HDAC9: variants seen among roughly 807,000 people sequenced by gnomAD.
HDAC9 encodes MEF-2 interacting transcription repressor (MITR) protein.
In HDAC9, 41 loss-of-function variants were observed where a neutral mutation model predicts 139.4. That is an observed-to-expected ratio of 0.29 (90% CI 0.23 to 0.38). The LOEUF (loss-of-function observed/expected upper bound fraction) is 0.38. Ranked by LOEUF, HDAC9 falls within the 10% of genes least tolerant of loss-of-function variation. HDAC9 has a pLI of 1.00. For missense variants in HDAC9, 1,147 were observed against 1,297.0 expected, an observed-to-expected ratio of 0.88 and a Z score of 1.78; for synonymous variants, 517 against 476.2, an observed-to-expected ratio of 1.09 and a Z score of -1.12.
chr7:18,877,819 C>T (rs542901934), intron 22 of HDAC9, among the ~76,000 whole-genome samples: 5 of 151,992 alleles, frequency 3.3e-5, no homozygotes, highest in African/African-American at 1.2e-4. Flanking sequence ...TTTCTTTCTT[C>T]CTCTTTTCTC....
intron 2 of HDAC9, among the ~76,000 whole-genome samples, chr7:18,539,095 T>A (rs947283694): frequency 1.3e-5 from 2 of 152,192 alleles, no homozygotes; most frequent in Non-Finnish European, 1.5e-5. Context: ...GCTATCAACA[T>A]ATGAATTTGG....
intron 23 of HDAC9, among the ~76,000 whole-genome samples, chr7:18,946,471 T>A (rs1245180045): frequency 1.3e-5 from 2 of 151,994 alleles, no homozygotes; most frequent in East Asian, 1.9e-4. Context: ...TGAAAAAAAA[T>A]TTATCCACAA....
chr7:18,544,084 G>A (rs532321887), intron 2 of HDAC9, among the ~76,000 whole-genome samples: 1 of 152,286 alleles, frequency 6.6e-6, no homozygotes, highest in African/African-American at 2.4e-5. Context: ...CCTTCTGGCT[G>A]CTCTGTAAGA....
At chr7:18,581,273 G>T (rs1827745040) in intron 2 of HDAC9, among the ~76,000 whole-genome samples, 1 of 152,096 alleles carries the variant, frequency 6.6e-6, no homozygotes, top group Non-Finnish European at 1.5e-5. Flanking sequence ...GAAAGACTGG[G>T]ATCTTGCCTG....
intron 22 of HDAC9, chr7:18,892,131 C>G (rs758095895): frequency 2.6e-5 from 4 of 152,010 alleles, no homozygotes; most frequent in Non-Finnish European, 5.9e-5. Flanking sequence ...GAAACACAAA[C>G]TAGGAAATAG....
intron 2 of HDAC9, among the ~76,000 whole-genome samples, chr7:18,259,322 C>T (rs1012255329): frequency 7.2e-5 from 11 of 151,952 alleles, no homozygotes; most frequent in Non-Finnish European, 1.6e-4. Context: ...TCCCCTGCCA[C>T]CCCCCAATAA....
At chr7:18,479,849 C>T (rs989386933) in intron 1 of HDAC9, among the ~76,000 whole-genome samples, 2 of 151,732 alleles carry the variant, frequency 1.3e-5, no homozygotes, top group African/African-American at 4.8e-5. Context: ...TATTATATTA[C>T]ATAATATTGA....
intron 21 of HDAC9, among the ~76,000 whole-genome samples, chr7:18,841,760 T>C (rs1351947228): frequency 6.6e-6 from 1 of 152,126 alleles, no homozygotes; most frequent in Non-Finnish European, 1.5e-5. Flanking sequence ...GCCCCAAAAT[T>C]GAAAATTTAG....
At chr7:18,827,703 G>A (rs533006155) in intron 17 of HDAC9, among the ~76,000 whole-genome samples, 7 of 152,168 alleles carry the variant, frequency 4.6e-5, no homozygotes, top group South Asian at 4.1e-4. Flanking sequence ...AAGTTTTAGC[G>A]TGGTTGATCT....
At chr7:18,453,764 A>G (rs956045841) in intron 1 of HDAC9, among the ~76,000 whole-genome samples, 1 of 152,192 alleles carries the variant, frequency 6.6e-6, no homozygotes, top group Non-Finnish European at 1.5e-5. Context: ...TAAATGTCAG[A>G]TATTTTATGC....
chr7:18,234,904 G>A (rs1281652315), intron 2 of HDAC9, among the ~76,000 whole-genome samples: 6 of 152,202 alleles, frequency 3.9e-5, no homozygotes, highest in Admixed American at 2.6e-4. Flanking sequence ...TGACCAGGTG[G>A]TAGAGGACTT....
At chr7:18,566,613 A>C (rs1822442249) in intron 2 of HDAC9, among the ~76,000 whole-genome samples, 1 of 152,224 alleles carries the variant, frequency 6.6e-6, no homozygotes, top group African/African-American at 2.4e-5. Context: ...TTTGTTTTAT[A>C]CATGAGAAAC....
intron 23 of HDAC9, among the ~76,000 whole-genome samples, chr7:18,937,863 A>G (rs1272804222): frequency 6.6e-6 from 1 of 152,134 alleles, no homozygotes; most frequent in Non-Finnish European, 1.5e-5. Context: ...CTTTGAACAC[A>G]TGCATTCAAA....
chr7:18,674,610 A>G (rs1781384648), intron 12 of HDAC9, among the ~76,000 whole-genome samples: 1 of 152,032 alleles, frequency 6.6e-6, no homozygotes, highest in African/African-American at 2.4e-5. Context: ...GAACCTATGA[A>G]ATGTTCAGCT....
upstream of HDAC9, among the ~76,000 whole-genome samples, chr7:18,494,430 CCT>C (rs1796619260): frequency 6.6e-6 from 1 of 151,984 alleles, no homozygotes. Flanking sequence ...TCTGCTTTTT[CCT>C]CTCTTTCCCC....
intron 2 of HDAC9, among the ~76,000 whole-genome samples, chr7:18,266,274 T>A (rs1795992512): frequency 6.6e-6 from 1 of 152,186 alleles, no homozygotes; most frequent in Admixed American, 6.5e-5. Context: ...AAGTTTTCCT[T>A]GAAAGTTCTA....
chr7:18,189,132 G>A (rs991831977), intron 2 of HDAC9, among the ~76,000 whole-genome samples: 1 of 152,130 alleles, frequency 6.6e-6, no homozygotes, highest in Admixed American at 6.5e-5. Context: ...AGAAAATGTG[G>A]TACATATACA....
intron 23 of HDAC9, among the ~76,000 whole-genome samples, 153 bp from the exon 24 acceptor site, chr7:18,953,993 G>A (rs928365172): frequency 6.6e-6 from 1 of 151,954 alleles, no homozygotes; most frequent in Non-Finnish European, 1.5e-5. Flanking sequence ...AATAAAACTG[G>A]CTACACTTCT....
chr7:18,874,700 G>T (rs1799188358), intron 22 of HDAC9, 104 bp downstream of exon 22: 1 of 667,242 alleles, frequency 1.5e-6, no homozygotes. Flanking sequence ...AAACTTGGGT[G>T]AGACATTTGA....
Sources: allele counts gnomAD v4.1 joint callset (sites outside exome capture counted in the v4.1 genomes callset), GRCh38; gene constraint gnomAD v4.1.1; transcripts MANE v1.5; gene names NCBI Gene and HGNC (gene_info 2026-07-23, HGNC 2026-07-21).